SEC11A: variants seen among roughly 807,000 people sequenced by gnomAD.
SEC11A encodes the protein SEC11 homolog A, signal peptidase complex subunit.
In SEC11A, 14 loss-of-function variants were observed where a neutral mutation model predicts 25.6. The ratio of observed to expected loss-of-function variants is 0.55; its 90% CI spans 0.36 to 0.85. The LOEUF is 0.85. SEC11A is among the 40% of genes least tolerant of loss of function. SEC11A has a pLI of 0.01. For missense variants in SEC11A, 153 were observed against 222.9 expected (o/e 0.69, Z 2.00); for synonymous variants, 83 against 76.4 (o/e 1.09, Z -0.45).
intron 3 of SEC11A, among the ~76,000 whole-genome samples, chr15:84,683,670 G>A (rs954361657): frequency 5.3e-5 from 8 of 151,830 alleles, no homozygotes; most frequent in Admixed American, 2.0e-4. Flanking sequence ...GATTAAAGGC[G>A]TGCACCACCA....
At position 84,670,512 on chromosome 15, in the gene SEC11A, TACA is replaced by T. The variant is rs201583550; in HGVS notation, c.489+210_489+212del. 3.1e-4 allele frequency: 105 copies of T among 338,850 alleles called. No homozygotes were observed. In the East Asian group the frequency reaches 3.7e-3, roughly 12 times the overall value. The allele number at this position is 338,850 out of a possible 1,614,324, so 21.0% of individuals were successfully genotyped here. ...CCTCAGCCTCCCAAAGTGCTGGGAT[TACA>T]GGCGTGAGCCACTGCGCCCAGGCTA... On this transcript the variant is annotated intron_variant, in intron 5 of 5. Transcript: ENST00000268220.
intron 4 of SEC11A, among the ~76,000 whole-genome samples, chr15:84,677,292 T>C (rs1164498624): frequency 2.0e-5 from 3 of 152,082 alleles, no homozygotes; most frequent in East Asian, 1.9e-4. Context: ...TAAATTTATA[T>C]AGTTAAGATT....
chr15:84,688,508 A>C (rs1056108395), intron 2 of SEC11A, among the ~76,000 whole-genome samples: 2 of 152,106 alleles, frequency 1.3e-5, no homozygotes, highest in Non-Finnish European at 2.9e-5. Context: ...TAATTTATGA[A>C]CCCCTTTTTA....
intron 3 of SEC11A, among the ~76,000 whole-genome samples, chr15:84,687,307 C>T (rs1897456862): frequency 6.6e-6 from 1 of 152,182 alleles, no homozygotes; most frequent in Non-Finnish European, 1.5e-5. Flanking sequence ...AGCCACTGTG[C>T]CCAACCAGAA....
chr15:84,691,003 T>G (rs1329515176), intron 2 of SEC11A, among the ~76,000 whole-genome samples: 1 of 151,844 alleles, frequency 6.6e-6, no homozygotes, highest in African/African-American at 2.4e-5. Flanking sequence ...GTAACTTTTT[T>G]GTAGAAAGGT....
chr15:84,690,788 T>G (rs1010121479), intron 2 of SEC11A, among the ~76,000 whole-genome samples: 1 of 152,150 alleles, frequency 6.6e-6, no homozygotes, highest in Admixed American at 6.6e-5. Context: ...TGGAAATAAT[T>G]AGTGATGATT....
chr15:84,688,861 T>C (rs532802060), intron 2 of SEC11A, among the ~76,000 whole-genome samples: 1 of 152,038 alleles, frequency 6.6e-6, no homozygotes, highest in African/African-American at 2.4e-5. Flanking sequence ...TGAAACCCAG[T>C]CTCAACTAAA....
chr15:84,711,247 T>C (rs1470182059), intron 1 of SEC11A, among the ~76,000 whole-genome samples: 2 of 151,808 alleles, frequency 1.3e-5, no homozygotes, highest in East Asian at 3.9e-4. Context: ...CCAGGTGTGG[T>C]GTCACTGGCC....
At position 84,669,788 on chromosome 15, in the gene SEC11A, CAA is replaced by C. The variant is rs1337063104; in HGVS notation, c.*229_*230del. On this transcript the variant is annotated 3_prime_UTR_variant, in exon 6 of 6. Transcript: ENST00000268220. ...GATGTACAAAAATTTGAAAGTGTGA[CAA>C]TGACAATTATGAAATCCTGTGACTG... 1.9e-6 allele frequency: 1 copy of C among 534,032 alleles called. No individual in the cohort carries two copies. The highest frequency in any genetic ancestry group is 3.1e-6 in the Non-Finnish European group (1 of 322,740). 33.1% of individuals were successfully genotyped at this position (534,032 alleles called of 1,614,324 possible).
At position 84,715,935 on chromosome 15, in the gene SEC11A, A is replaced by C; in HGVS notation, c.51+90T>G. 2.4e-6 allele frequency: 3 copies of C among 1,270,566 alleles called. No individual in the cohort carries two copies. In the South Asian group the frequency reaches 3.8e-5, roughly 16 times the overall value. 78.7% of individuals were successfully genotyped at this position (1,270,566 alleles called of 1,614,324 possible). A position where few individuals can be genotyped will look rare whatever the true frequency, so the allele number is the denominator to read the frequency against. On this transcript the variant is annotated intron_variant, in intron 1 of 5. Transcript: ENST00000268220. ...GGGTATCAGACCAGCTCAGACCCTC[A>C]CACCAGAACCCTGGGGTCCGCCGGG...
At chr15:84,676,408 G>A (rs1436804581) in intron 4 of SEC11A, among the ~76,000 whole-genome samples, 3 of 151,202 alleles carry the variant, frequency 2.0e-5, no homozygotes, top group Non-Finnish European at 4.4e-5. Flanking sequence ...GGGGGTTGCC[G>A]TGATCATGCT....
intron 1 of SEC11A, among the ~76,000 whole-genome samples, chr15:84,712,850 C>T (rs755327085): frequency 6.6e-5 from 10 of 152,068 alleles, no homozygotes; most frequent in Non-Finnish European, 1.3e-4. Flanking sequence ...TGGGACAGAA[C>T]GGGTCTTGTA....
intron 1 of SEC11A, chr15:84,691,964 A>G (rs961115112): frequency 1.1e-5 from 2 of 180,922 alleles, no homozygotes; most frequent in African/African-American, 4.7e-5. Flanking sequence ...CACTCATGCT[A>G]CTTACCAGCC....
At chr15:84,712,982 G>A (rs979451469) in intron 1 of SEC11A, among the ~76,000 whole-genome samples, 2 of 151,916 alleles carry the variant, frequency 1.3e-5, no homozygotes, top group East Asian at 1.9e-4. Flanking sequence ...CGAGGCAGGC[G>A]GATCACAAGG....
At chr15:84,695,847 A>G (rs558167674) in intron 1 of SEC11A, among the ~76,000 whole-genome samples, 1 of 152,346 alleles carries the variant, frequency 6.6e-6, no homozygotes, top group South Asian at 2.1e-4. Flanking sequence ...GAAACTGGAG[A>G]AAAGGAACCA....
At chr15:84,701,539 C>T (rs537583964) in intron 1 of SEC11A, among the ~76,000 whole-genome samples, 4 of 150,160 alleles carry the variant, frequency 2.7e-5, no homozygotes, top group Non-Finnish European at 4.4e-5. Flanking sequence ...AGCAAGACTC[C>T]GTTTCAAGAA....
chr15:84,681,942 C>T (rs529620309), intron 3 of SEC11A, among the ~76,000 whole-genome samples: 3 of 152,140 alleles, frequency 2.0e-5, no homozygotes, highest in East Asian at 1.9e-4. Context: ...TGATGGTGTG[C>T]GCCTGTGGTT....
intron 1 of SEC11A, 50 bp downstream of exon 1, chr15:84,715,975 C>A: frequency 1.3e-6 from 2 of 1,583,386 alleles, no homozygotes; most frequent in South Asian, 2.2e-5. Context: ...GCAGCAGCAG[C>A]CTCGAAGGGA....
chr15:84,685,013 T>C (rs1378337347), intron 3 of SEC11A, among the ~76,000 whole-genome samples: 2 of 152,054 alleles, frequency 1.3e-5, no homozygotes, highest in South Asian at 4.1e-4. Flanking sequence ...AAAAAGAAAA[T>C]TGAAAATTTC....
Sources: allele counts gnomAD v4.1 joint callset (sites outside exome capture counted in the v4.1 genomes callset), GRCh38; gene constraint gnomAD v4.1.1; transcripts MANE v1.5; gene names NCBI Gene and HGNC (gene_info 2026-07-23, HGNC 2026-07-21).